TBC1D30: variants seen among roughly 807,000 people sequenced by gnomAD.
The protein encoded by TBC1D30 is TBC1 domain family member 30.
Under a neutral mutation model 63.2 loss-of-function variants are expected in TBC1D30, and 31 were observed. The observed-to-expected ratio is 0.49, with a 90% CI of 0.37 to 0.66. The LOEUF (loss-of-function observed/expected upper bound fraction) is 0.66, where lower values mean the gene tolerates loss of function less well. Ranked by LOEUF, TBC1D30 falls within the 30% of genes least tolerant of loss-of-function variation. The pLI, the probability that TBC1D30 is intolerant of heterozygous loss-of-function variation, is 0.00. For missense variants in TBC1D30, 810 were observed against 953.6 expected (o/e 0.85, Z 1.98); for synonymous variants, 307 against 361.5 (o/e 0.85, Z 1.71).
At chr12:64,868,272 C>T (rs969979921) in intron 10 of TBC1D30, 30 of 156,092 alleles carry the variant, frequency 1.9e-4, no homozygotes, top group African/African-American at 6.8e-4. Flanking sequence ...GTTTGGGTAC[C>T]GCCATGAAAT....
intron 8 of TBC1D30, among the ~76,000 whole-genome samples, chr12:64,850,543 T>C (rs1483948696): frequency 6.6e-6 from 1 of 152,236 alleles, no homozygotes; most frequent in Non-Finnish European, 1.5e-5. Flanking sequence ...TTGTGGTTTT[T>C]GTCATTGGTC....
chr12:64,818,168 T>A (rs1179386393), intron 2 of TBC1D30, among the ~76,000 whole-genome samples: 1 of 152,190 alleles, frequency 6.6e-6, no homozygotes, highest in Non-Finnish European at 1.5e-5. Flanking sequence ...TCTGCAGTGA[T>A]GAGTGTGAGT....
Position 64,870,629 on chromosome 12 carries a change from C to T in TBC1D30, c.1319C>T (p.Ser440Phe), listed in dbSNP as rs866726195. 43 of 1,536,056 alleles carry T rather than the reference C, an allele frequency of 2.8e-5. No individual in the cohort carries two copies. The African/African-American group carries it at 4.0e-4, about 14-fold the overall frequency. ...CCAAATGAGGAGCAGAGTCTGAGAT[C>T]TAATAACATTGCAGAGCTGAGTCCA... is the stretch of plus-strand genomic sequence containing the variant. ...KEPNEEQSLR[S>F]NNIAELSPGA... The change falls in exon 11 of 12, where the codon TCT becomes TTT. Residue 440 changes from serine (S) to phenylalanine (F), a missense_variant. Physicochemically the swap from Ser to Phe is radical, Grantham distance 155. Around this residue, in one of 4 missense-constraint regions of TBC1D30, gnomAD observed 450 missense variants for 473.0 expected, o/e 0.95. Coordinates refer to ENST00000539867, the MANE Select transcript of TBC1D30 (RefSeq NM_015279.2).
upstream of TBC1D30, among the ~76,000 whole-genome samples, chr12:64,820,408 G>C (rs1303932859): frequency 6.6e-6 from 1 of 152,200 alleles, no homozygotes; most frequent in African/African-American, 2.4e-5. Context: ...GCTCACATCT[G>C]TGGGGGATGT....
At chr12:64,766,672 G>T (rs1446678375) in intron 1 of TBC1D30, among the ~76,000 whole-genome samples, 1 of 152,114 alleles carries the variant, frequency 6.6e-6, no homozygotes, top group African/African-American at 2.4e-5. Context: ...TAGAAGACTT[G>T]AATAACATTA....
At chr12:64,804,171 G>A (rs576857609) in intron 2 of TBC1D30, among the ~76,000 whole-genome samples, 1 of 152,164 alleles carries the variant, frequency 6.6e-6, no homozygotes. Flanking sequence ...ATTTCGTTGA[G>A]CAGTGGTTTA....
chr12:64,762,057 G>A (rs1436701170), intron 1 of TBC1D30, among the ~76,000 whole-genome samples: 2 of 152,204 alleles, frequency 1.3e-5, no homozygotes, highest in African/African-American at 4.8e-5. Flanking sequence ...AGCATTTAAG[G>A]TGGTGGGAGG....
upstream of TBC1D30, among the ~76,000 whole-genome samples, chr12:64,822,044 C>T (rs1158866726): frequency 2.0e-5 from 3 of 152,160 alleles, no homozygotes; most frequent in Admixed American, 6.5e-5. Flanking sequence ...TTTTACAGCT[C>T]ATTCTTAGGG....
intron 10 of TBC1D30, among the ~76,000 whole-genome samples, chr12:64,867,505 T>C (rs1878323294): frequency 6.6e-6 from 1 of 152,132 alleles, no homozygotes; most frequent in African/African-American, 2.4e-5. Flanking sequence ...TCTGTTACTT[T>C]ATCTTTTTAT....
At chr12:64,825,250 G>A in intron 1 of TBC1D30, 3 of 522,134 alleles carry the variant, frequency 5.7e-6, no homozygotes, top group Non-Finnish European at 9.4e-6. Flanking sequence ...CCCCAGGCGC[G>A]GAGAACCCGC....
upstream of TBC1D30, among the ~76,000 whole-genome samples, chr12:64,821,055 A>C (rs1873856005): frequency 6.6e-6 from 1 of 152,254 alleles, no homozygotes; most frequent in Non-Finnish European, 1.5e-5. Context: ...TGTCACTACT[A>C]GTAAAGAAAA....
At chr12:64,854,167 G>A (rs560748077) in intron 8 of TBC1D30, among the ~76,000 whole-genome samples, 8 of 151,974 alleles carry the variant, frequency 5.3e-5, no homozygotes, top group African/African-American at 7.2e-5. Flanking sequence ...TCTTTCCTTC[G>A]TTTCTGTCTT....
chr12:64,828,894 G>T (rs188398302), intron 3 of TBC1D30, among the ~76,000 whole-genome samples: 1 of 152,162 alleles, frequency 6.6e-6, no homozygotes, highest in African/African-American at 2.4e-5. Context: ...CCTGAAGGAG[G>T]TGAGAAGCCA....
At chr12:64,796,250 G>A (rs1872261464) in intron 2 of TBC1D30, among the ~76,000 whole-genome samples, 1 of 151,784 alleles carries the variant, frequency 6.6e-6, no homozygotes, top group Non-Finnish European at 1.5e-5. Context: ...GTAATTGGGA[G>A]CTACTAGAAA....
At position 64,829,171 on chromosome 12, in the gene TBC1D30, C is replaced by T. The variant is rs990241814; in HGVS notation, c.282+662C>T. On this transcript the variant is annotated intron_variant, in intron 3 of 11. Transcript: ENST00000539867. ...TTTGCTCAGTGTGAGCTAGGAAGCA[C>T]TGGGAAGTTTTGAGCAGGGGAGTGA... Among the ~76,000 whole-genome samples, 3 of 152,050 alleles carry T rather than the reference C, an allele frequency of 2.0e-5. No individual in the cohort carries two copies. The South Asian group carries it at 6.2e-4, about 32-fold the overall frequency.
At chr12:64,788,758 G>A (rs1403678071) in intron 2 of TBC1D30, among the ~76,000 whole-genome samples, 1 of 152,138 alleles carries the variant, frequency 6.6e-6, no homozygotes, top group East Asian at 1.9e-4. Context: ...CACCTTTCCT[G>A]AGAGTTCAAT....
chr12:64,869,891 A>C (rs562603220), intron 10 of TBC1D30, among the ~76,000 whole-genome samples: 3 of 152,264 alleles, frequency 2.0e-5, no homozygotes, highest in Admixed American at 2.0e-4. Context: ...TCAGTTTTAC[A>C]AATTGTGCTG....
chr12:64,870,953 C>A (rs1878608963), intron 11 of TBC1D30, 145 bp downstream of exon 11: 2 of 796,712 alleles, frequency 2.5e-6, no homozygotes, highest in Non-Finnish European at 3.9e-6. Context: ...GCATATTTAG[C>A]ATCTCATTTT....
chr12:64,839,832 CG>C (rs910500432), intron 7 of TBC1D30, among the ~76,000 whole-genome samples: 10 of 151,810 alleles, frequency 6.6e-5, no homozygotes, highest in East Asian at 5.8e-4. Context: ...GGTGAAACCC[CG>C]TCTCTACTAA....
Sources: gnomAD v4.1 joint callset for allele counts (sites outside exome capture counted in the v4.1 genomes callset) on GRCh38, gnomAD v4.1.1 for gene constraint, gnomAD v4.1.1 regional missense constraint, MANE v1.5 for transcripts, NCBI Gene and HGNC (gene_info 2026-07-23, HGNC 2026-07-21) for gene names.